Variants in SESTD1 observed in about 807,000 individuals in gnomAD.
SESTD1 encodes SEC14 and spectrin domain containing 1.
In SESTD1, 43 loss-of-function variants were observed where a neutral mutation model predicts 101.7. The observed-to-expected ratio is 0.42, with a 90% CI of 0.33 to 0.55. The LOEUF is 0.55. SESTD1 is among the 20% of genes least tolerant of loss of function. The pLI is 0.07. For missense variants in SESTD1, 647 were observed against 815.1 expected, an observed-to-expected ratio of 0.79 and a Z score of 2.51; for synonymous variants, 283 against 286.8, an observed-to-expected ratio of 0.99 and a Z score of 0.13.
intron 12 of SESTD1, 47 bp downstream of exon 12, chr2:179,123,668 T>TAAAAA: frequency 5.1e-6 from 5 of 988,652 alleles, no homozygotes; most frequent in South Asian, 1.7e-5. Flanking sequence ...TAATGATATT[T>TAAAAA]AAAAAAAAAA....
chr2:179,187,974 C>T (rs1032288984), intron 2 of SESTD1, among the ~76,000 whole-genome samples: 1 of 152,056 alleles, frequency 6.6e-6, no homozygotes, highest in African/African-American at 2.4e-5. Flanking sequence ...TAGACAGCCA[C>T]ACAATAATAG....
At chr2:179,232,428 T>C (rs1461685330) in intron 1 of SESTD1, among the ~76,000 whole-genome samples, 1 of 151,366 alleles carries the variant, frequency 6.6e-6, no homozygotes, top group Non-Finnish European at 1.5e-5. Context: ...ACATCATAAA[T>C]CAAAATCCTG....
intron 1 of SESTD1, among the ~76,000 whole-genome samples, chr2:179,245,299 G>A (rs765615526): frequency 7.2e-5 from 11 of 152,012 alleles, no homozygotes; most frequent in Non-Finnish European, 1.5e-4. Context: ...GACGGATCAT[G>A]AGGTTAGGAG....
chr2:179,162,555 C>G (rs1289478768), intron 5 of SESTD1: 1 of 151,302 alleles, frequency 6.6e-6, no homozygotes, highest in Non-Finnish European at 1.5e-5. Context: ...CTACCTAAAT[C>G]TCAGAAACAG....
intron 13 of SESTD1, among the ~76,000 whole-genome samples, chr2:179,120,116 C>T (rs2044715553): frequency 6.6e-6 from 1 of 152,040 alleles, no homozygotes; most frequent in South Asian, 2.1e-4. Flanking sequence ...ATAGTCCCAG[C>T]TACTCGGAAG....
chr2:179,210,438 TACTA>T lies in SESTD1; in HGVS notation c.-25-18576_-25-18573del, dbSNP rs1012204922. Among the ~76,000 whole-genome samples the T allele has an allele frequency of 6.7e-5, 9 of 134,334 alleles. 4 individuals are homozygous for T. The highest frequency in any genetic ancestry group is 1.4e-4 in the Admixed American group (2 of 13,852). 88.1% of individuals were successfully genotyped at this position (134,334 alleles called of 152,430 possible). ...ATACATGCAAAAATCCTCAACAAAA[TACTA>T]ACTAACTGAACCCAATAGCATATCA... On this transcript the variant is annotated intron_variant, in intron 1 of 17. Transcript: ENST00000428443.
In SESTD1 at chr2:179,249,890, C is replaced by CAAAA. The variant is rs60865157; in HGVS notation, c.-26+14605_-26+14608dup. ...GGTAGAGCAACTGAATATCCACAGG[C>CAAAA]AAAAAAAAAAAAAAAGAACCTTGAC... On this transcript the variant is annotated intron_variant, in intron 1 of 17. Coordinates refer to ENST00000428443, the MANE Select transcript of SESTD1 (RefSeq NM_178123.5). Among the ~76,000 whole-genome samples, 18 of 111,384 alleles carry CAAAA rather than the reference C, an allele frequency of 1.6e-4. 1 individual carries two copies. Among genetic ancestry groups the CAAAA allele is most frequent in the South Asian group, 5.1e-4 (2 of 3,958 alleles). 73.1% of individuals were successfully genotyped at this position (111,384 alleles called of 152,430 possible).
rs745634234 is a variant in SESTD1 at position 179,183,145 on chromosome 2, T to C, written c.99A>G (p.Leu33=). 6.8e-6 allele frequency: 11 copies of C among 1,612,260 alleles called. No individual in the cohort carries two copies. Among genetic ancestry groups the C allele is most frequent in the Non-Finnish European group, 9.3e-6 (11 of 1,179,038 alleles). The part of the protein sequence containing the change: ...RRSGLILTIP[L]CLEQTNMDEL... ...CATCCATATTTGTCTGTTCGAGGCA[T>C]AATGGAATTGTCAAAATGAGGCCAC... The change falls in exon 3 of 18, where the codon TTA becomes TTG. Residue 33 remains leucine, a synonymous_variant. Transcript: ENST00000428443.
Position 179,201,537 on chromosome 2 carries a change from T to C in SESTD1, c.-25-9671A>G, listed in dbSNP as rs1187970018. Among the ~76,000 whole-genome samples the C allele has an allele frequency of 3.0e-5, 4 of 132,612 alleles. 1 individual carries two copies. Among genetic ancestry groups the C allele is most frequent in the Admixed American group, 2.9e-4 (4 of 13,664 alleles). The allele number at this position is 132,612 out of a possible 152,430, so 87.0% of individuals were successfully genotyped here. ...TGGAACCAACCCAAATGTCCAACAA[T>C]GATAGACTGGATTAAGAAAATGTGG... On this transcript the variant is annotated intron_variant, in intron 1 of 17. Coordinates refer to ENST00000428443, the MANE Select transcript of SESTD1 (RefSeq NM_178123.5).
intron 1 of SESTD1, among the ~76,000 whole-genome samples, chr2:179,231,872 T>G (rs76068648): frequency 0.027 from 4,114 of 152,112 alleles, 88 homozygotes; most frequent in Admixed American, 0.035. Flanking sequence ...AAACACTGTT[T>G]AACGTTAGAA....
chr2:179,144,552 A>T (rs911050487), intron 8 of SESTD1, among the ~76,000 whole-genome samples: 1 of 150,980 alleles, frequency 6.6e-6, no homozygotes, highest in African/African-American at 2.4e-5. Context: ...TAGATATTAA[A>T]TAATTTTAAA....
intron 1 of SESTD1, among the ~76,000 whole-genome samples, chr2:179,246,317 G>A (rs2047231176): frequency 6.8e-6 from 1 of 147,848 alleles, no homozygotes; most frequent in Non-Finnish European, 1.5e-5. Flanking sequence ...ACCAGAGATA[G>A]AGATGTACAT....
At chr2:179,116,993 C>A (rs1314023861) in intron 14 of SESTD1, among the ~76,000 whole-genome samples, 1 of 152,100 alleles carries the variant, frequency 6.6e-6, no homozygotes, top group Non-Finnish European at 1.5e-5. Context: ...AATCTGAAGG[C>A]AAGACATACT....
At chr2:179,189,229 A>G (rs2046283293) in intron 2 of SESTD1, among the ~76,000 whole-genome samples, 1 of 152,182 alleles carries the variant, frequency 6.6e-6, no homozygotes, top group Non-Finnish European at 1.5e-5. Flanking sequence ...AATCCTCCAC[A>G]TTCAATTAGG....
At chr2:179,252,549 T>C (rs1165993345) in intron 1 of SESTD1, among the ~76,000 whole-genome samples, 1 of 152,232 alleles carries the variant, frequency 6.6e-6, no homozygotes. Flanking sequence ...TCTTCCACCT[T>C]CCTCTATCAA....
intron 2 of SESTD1, among the ~76,000 whole-genome samples, chr2:179,183,998 A>G (rs1028115173): frequency 6.6e-6 from 1 of 152,126 alleles, no homozygotes; most frequent in Non-Finnish European, 1.5e-5. Context: ...GTTAACTCAC[A>G]AAGGTCAGAC....
In SESTD1 at chr2:179,183,085, A is replaced by T. The variant is rs2046146039; in HGVS notation, c.159T>A (p.Ile53=). 8.1e-6 allele frequency: 13 copies of T among 1,596,674 alleles called. No individual in the cohort carries two copies. Among genetic ancestry groups the T allele is most frequent in the Non-Finnish European group, 1.0e-5 (12 of 1,171,338 alleles). The change falls in exon 3 of 18, where the codon ATT becomes ATA. Residue 53 remains isoleucine (I), a synonymous_variant. Coordinates refer to ENST00000428443, the MANE Select transcript of SESTD1 (RefSeq NM_178123.5). ...AAAGACACCTTTAGAGTCACCTTGG[A>T]ATGCTGAGTAGGTAGTCTAAGGTGA... ...LSVTLDYLLS[I]PSEKCKARGF... is the part of the protein sequence containing the mutation.
At position 179,198,528 on chromosome 2, in the gene SESTD1, A is replaced by G. The variant is rs1036021260; in HGVS notation, c.-25-6662T>C. On this transcript the variant is annotated intron_variant, in intron 1 of 17. Transcript: ENST00000428443. ...TTTTTTTCAGCACCACACCACACCT[A>G]TTCCAAAATTGACCACATACTTGGA... 3.3e-5 allele frequency among the ~76,000 whole-genome samples: 5 copies of G among 152,094 alleles called. No individual in the cohort carries two copies. In the South Asian group the frequency reaches 6.2e-4, roughly 19 times the overall value.
intron 2 of SESTD1, among the ~76,000 whole-genome samples, chr2:179,186,085 T>A (rs1559134705): frequency 6.8e-6 from 1 of 147,926 alleles, no homozygotes; most frequent in Admixed American, 6.9e-5. Flanking sequence ...TATAATATAA[T>A]ACATACTAGG....
Sources: allele counts gnomAD v4.1 joint callset (sites outside exome capture counted in the v4.1 genomes callset), GRCh38; gene constraint gnomAD v4.1.1; transcripts MANE v1.5; gene names NCBI Gene and HGNC (gene_info 2026-07-23, HGNC 2026-07-21).